NLGN1: variants seen among roughly 807,000 people sequenced by gnomAD.
NLGN1 encodes neuroligin 1.
In NLGN1, 12 loss-of-function variants were observed where a neutral mutation model predicts 65.5. The ratio of observed to expected loss-of-function variants is 0.18; its 90% confidence interval spans 0.12 to 0.30. The LOEUF (loss-of-function observed/expected upper bound fraction) is 0.30. NLGN1 is among the 10% of genes least tolerant of loss of function. The probability of loss-of-function intolerance (pLI) is 1.00; values close to 1 mark genes in which losing one functional copy is unlikely to be tolerated. For missense variants in NLGN1, 750 were observed against 1,007.1 expected (o/e 0.74, Z 3.46); for synonymous variants, 350 against 359.5 (o/e 0.97, Z 0.30).
At chr3:173,509,704 G>C (rs950411774) in intron 2 of NLGN1, among the ~76,000 whole-genome samples, 1 of 152,080 alleles carries the variant, frequency 6.6e-6, no homozygotes, top group African/African-American at 2.4e-5. Context: ...AATAAGTCAG[G>C]ATATATAACT....
At chr3:173,832,721 T>TA (rs1379430393) in intron 4 of NLGN1, among the ~76,000 whole-genome samples, 1 of 152,236 alleles carries the variant, frequency 6.6e-6, no homozygotes, top group Non-Finnish European at 1.5e-5. Flanking sequence ...AACTAGTTTT[T>TA]ATTTTTAAAG....
intron 4 of NLGN1, among the ~76,000 whole-genome samples, chr3:173,809,918 T>C (rs1490439829): frequency 3.9e-5 from 6 of 152,202 alleles, no homozygotes; most frequent in Admixed American, 2.6e-4. Context: ...GTGTTAAATA[T>C]TTGTTCTGGC....
Position 174,279,707 on chromosome 3 carries a change from AAAAT to A in NLGN1, c.1649+60_1649+63del. 9.8e-7 allele frequency: 1 copy of A among 1,024,932 alleles called. No individual in the cohort carries two copies. The highest frequency in any genetic ancestry group is 1.4e-6 in the Non-Finnish European group (1 of 699,632). The allele number at this position is 1,024,932 out of a possible 1,614,324, so 63.5% of individuals were successfully genotyped here. A position where few individuals can be genotyped will look rare whatever the true frequency, so the allele number is the denominator to read the frequency against. ...ATAAAAATGTTATTTTAACCATTTTAAAATAATAGATATTTATGCCCAGATAATG... is the reference window on the plus strand; with the variant it reads ...ATAAAAATGTTATTTTAACCATTTTAAATAGATATTTATGCCCAGATAATG... On this transcript the variant is annotated intron_variant, in intron 6 of 6. Coordinates refer to ENST00000457714, the Ensembl canonical transcript of NLGN1. This position sits in a 1 kb window ranked among gnomAD's most constrained non-coding sequence, Gnocchi z 4.7.
At chr3:174,028,976 A>T (rs1005907047) in intron 4 of NLGN1, among the ~76,000 whole-genome samples, 1 of 152,082 alleles carries the variant, frequency 6.6e-6, no homozygotes, top group African/African-American at 2.4e-5. Context: ...CCATCAGAGG[A>T]TGTACGGAAA....
chr3:173,901,412 C>G (rs1411092126), intron 4 of NLGN1, among the ~76,000 whole-genome samples: 2 of 149,422 alleles, frequency 1.3e-5, no homozygotes, highest in African/African-American at 2.4e-5. Context: ...TGGCATTTCT[C>G]TATGGCATAT....
chr3:173,854,372 G>T (rs1051275912), intron 4 of NLGN1, among the ~76,000 whole-genome samples: 3 of 151,214 alleles, frequency 2.0e-5, no homozygotes. Context: ...TTTTTACTTT[G>T]CCCAGGAAAA....
intron 4 of NLGN1, among the ~76,000 whole-genome samples, chr3:174,129,346 C>T (rs1021872179): frequency 5.8e-5 from 8 of 137,114 alleles, no homozygotes; most frequent in Admixed American, 2.3e-4. Context: ...CCCCCACCCC[C>T]GGTTTACAAC....
At chr3:174,062,691 AT>A (rs1737677907) in intron 4 of NLGN1, among the ~76,000 whole-genome samples, 1 of 151,910 alleles carries the variant, frequency 6.6e-6, no homozygotes, top group South Asian at 2.1e-4. Flanking sequence ...TTTCTATCTA[AT>A]TTTTTTCTCT....
chr3:173,702,215 G>A (rs1017167530), intron 3 of NLGN1, among the ~76,000 whole-genome samples: 2 of 149,670 alleles, frequency 1.3e-5, no homozygotes, highest in Non-Finnish European at 3.0e-5. Flanking sequence ...CTCCAGCCTG[G>A]GCGACAGAGC....
At chr3:173,911,808 C>T (rs1382167647) in intron 4 of NLGN1, among the ~76,000 whole-genome samples, 2 of 152,190 alleles carry the variant, frequency 1.3e-5, no homozygotes, top group Non-Finnish European at 2.9e-5. Flanking sequence ...TTTGTTTCCT[C>T]GAAGTTTATT....
chr3:173,808,695 A>C (rs2150455316), intron 4 of NLGN1, among the ~76,000 whole-genome samples: 1 of 152,268 alleles, frequency 6.6e-6, no homozygotes, highest in South Asian at 2.1e-4. Context: ...AAAATACTTA[A>C]CTTTTTAATC....
intron 3 of NLGN1, among the ~76,000 whole-genome samples, chr3:173,607,508 A>G (rs1249576242): frequency 4.0e-5 from 6 of 151,254 alleles, no homozygotes; most frequent in Non-Finnish European, 1.5e-5. Context: ...ATTTTATTAT[A>G]TAAATAGTAT....
At chr3:173,991,014 C>A (rs1462540091) in intron 4 of NLGN1, among the ~76,000 whole-genome samples, 2 of 152,148 alleles carry the variant, frequency 1.3e-5, no homozygotes, top group Non-Finnish European at 2.9e-5. Context: ...ACATTTCCCA[C>A]AGAGTTGTAC....
At chr3:174,257,089 G>A (rs1309301515) in intron 4 of NLGN1, among the ~76,000 whole-genome samples, 1 of 152,056 alleles carries the variant, frequency 6.6e-6, no homozygotes, top group Admixed American at 6.6e-5. Flanking sequence ...TTAAAAAGTA[G>A]GCAAAAGACA....
intron 3 of NLGN1, among the ~76,000 whole-genome samples, chr3:173,638,740 A>G (rs1756973783): frequency 6.6e-6 from 1 of 152,296 alleles, no homozygotes; most frequent in Non-Finnish European, 1.5e-5. Flanking sequence ...TATCAATTTT[A>G]AAAATATGGT....
chr3:173,695,744 A>C (rs1036178676), intron 3 of NLGN1, among the ~76,000 whole-genome samples: 1 of 152,206 alleles, frequency 6.6e-6, no homozygotes, highest in African/African-American at 2.4e-5. Context: ...CACTTCTTGA[A>C]ATAAAACTTT....
At chr3:174,275,056 T>G (rs1162268537) in intron 4 of NLGN1, among the ~76,000 whole-genome samples, 1 of 151,898 alleles carries the variant, frequency 6.6e-6, no homozygotes, top group African/African-American at 2.4e-5. Flanking sequence ...AATGTTTGCC[T>G]TCCCTTTATC....
chr3:173,838,807 T>C (rs1031599315), intron 4 of NLGN1, among the ~76,000 whole-genome samples: 1 of 152,172 alleles, frequency 6.6e-6, no homozygotes, highest in Non-Finnish European at 1.5e-5. Flanking sequence ...TCTATACTCA[T>C]AGAGTGAAAT....
intron 3 of NLGN1, among the ~76,000 whole-genome samples, chr3:173,675,917 A>ACACC (rs1194813539): frequency 1.3e-5 from 2 of 151,386 alleles, no homozygotes; most frequent in African/African-American, 4.9e-5. Context: ...ACACACACAC[A>ACACC]CACACTAGAG....
Sources: gnomAD v4.1 joint callset for allele counts (sites outside exome capture counted in the v4.1 genomes callset) on GRCh38, gnomAD v4.1.1 for gene constraint, Gnocchi (gnomAD v3.1) non-coding constraint, MANE v1.5 for transcripts, NCBI Gene and HGNC (gene_info 2026-07-23, HGNC 2026-07-21) for gene names.